Variants in BRD1 observed in about 807,000 individuals in gnomAD.
BRD1 encodes bromodomain containing 1.
Under a neutral mutation model 107.7 loss-of-function variants are expected in BRD1, and 24 were observed. The ratio of observed to expected loss-of-function variants is 0.22; its 90% CI spans 0.16 to 0.31. The LOEUF (loss-of-function observed/expected upper bound fraction) is 0.31. Ranked by LOEUF, BRD1 falls within the 10% of genes least tolerant of loss-of-function variation. The probability of loss-of-function intolerance (pLI) is 1.00; values close to 1 mark genes in which losing one functional copy is unlikely to be tolerated. For synonymous variants in BRD1, 744 were observed against 686.1 expected, an observed-to-expected ratio of 1.08 and a Z score of -1.32; for missense variants, 1,279 against 1,638.6, an observed-to-expected ratio of 0.78 and a Z score of 3.79.
At chr22:49,808,680 TTTATG>T (rs2059791251) in intron 2 of BRD1, among the ~76,000 whole-genome samples, 1 of 152,194 alleles carries the variant, frequency 6.6e-6, no homozygotes, top group East Asian at 1.9e-4. Context: ...GATGGTACAT[TTTATG>T]TTATGTGTAC....
Position 49,823,091 on chromosome 22 carries a change from G to A in BRD1, c.1227C>T (p.Gly409=), listed in dbSNP as rs6009883. 19,697 of 1,614,136 alleles carry A rather than the reference G, an allele frequency of 0.012. 1,143 individuals are homozygous for A. In the African/African-American group the frequency reaches 0.17, roughly 14 times the overall value. The change falls in exon 2 of 13, where the codon GGC becomes GGT. Residue 409 remains glycine (G), a synonymous_variant. Transcript: ENST00000404760. The stretch of plus-strand genomic sequence containing the variant: ...TAACCGAGCTCTCTTTTCGACAGAC[G>A]CCATTTTTCATTTCGACATCCCCGT... ...NIYGDVEMKN[G]VCRKESSVKT... is the part of the protein sequence containing the mutation.
Position 49,794,053 on chromosome 22 carries a change from C to T in BRD1, c.2340G>A (p.Gly780=). The T allele has an allele frequency of 1.2e-6, 2 of 1,613,342 alleles. No homozygotes were observed. The highest frequency in any genetic ancestry group is 1.7e-6 in the Non-Finnish European group (2 of 1,179,670). The part of the protein sequence containing the change: ...EGFEEDGAAL[G]PEAGEEGDKS... ...GCTTACCTTCCTCGCCCGCCTCCGG[C>T]CCCAGCGCAGCTCCGTCCTCTTCGA... The change falls in exon 7 of 13, where the codon GGG becomes GGA. Residue 780 remains glycine (G), a synonymous_variant. Transcript: ENST00000404760.
Position 49,823,808 on chromosome 22 carries a change from A to G in BRD1, c.510T>C (p.Asn170=), listed in dbSNP as rs2147429168. ...EEDYAWLEIV[N]EKRKGDCVPA... The stretch of plus-strand genomic sequence containing the variant: ...GGACGCAGTCGCCCTTGCGCTTCTC[A>G]TTGACGATCTCCAGCCAGGCATAGT... The change falls in exon 2 of 13, where the codon AAT becomes AAC. Residue 170 remains asparagine (N), a synonymous_variant. Coordinates refer to ENST00000404760, the MANE Select transcript of BRD1 (RefSeq NM_001304808.3). 1.2e-6 allele frequency: 2 copies of G among 1,614,016 alleles called. No individual in the cohort carries two copies. The highest frequency in any genetic ancestry group is 1.7e-6 in the Non-Finnish European group (2 of 1,180,008).
chr22:49,778,206 G>A (rs7292710), intron 8 of BRD1, among the ~76,000 whole-genome samples: 10,343 of 152,258 alleles, frequency 0.068, 1,225 homozygotes, highest in African/African-American at 0.24. Flanking sequence ...CACCGGCCGC[G>A]TTTGAACGGA....
At chr22:49,778,723 A>G (rs1184642207) in intron 8 of BRD1, among the ~76,000 whole-genome samples, 1 of 151,950 alleles carries the variant, frequency 6.6e-6, no homozygotes, top group Admixed American at 6.6e-5. Flanking sequence ...GTGCAGTGGC[A>G]CGATCTTGGC....
rs2059446919 is a variant in BRD1, at chr22:49,792,122, T to A, written c.2359+1912A>T. Among the ~76,000 whole-genome samples, 1 of 151,690 alleles carries A rather than the reference T, an allele frequency of 6.6e-6. No homozygotes were observed. Among genetic ancestry groups the A allele is most frequent in the Non-Finnish European group, 1.5e-5 (1 of 67,960 alleles). ...CGAGGTCCTCAGTCCTGTGACCCAA[T>A]AACCGTGCGGGGTCCTCAGCCCTGT... is the stretch of plus-strand genomic sequence containing the variant. On this transcript the variant is annotated intron_variant, in intron 7 of 12. Coordinates refer to ENST00000404760, the MANE Select transcript of BRD1 (RefSeq NM_001304808.3). The surrounding 1 kb of genome is among the most constrained non-coding windows in gnomAD (Gnocchi z 4.2).
At chr22:49,804,806 G>A (rs950913941) in intron 2 of BRD1, among the ~76,000 whole-genome samples, 7 of 152,096 alleles carry the variant, frequency 4.6e-5, no homozygotes, top group African/African-American at 1.4e-4. Flanking sequence ...AGCCGAAATC[G>A]CACCACTGCA....
intron 2 of BRD1, among the ~76,000 whole-genome samples, chr22:49,821,794 C>T (rs1039875359): frequency 3.9e-5 from 6 of 152,162 alleles, no homozygotes; most frequent in Admixed American, 2.0e-4. Flanking sequence ...GCTCACTGAC[C>T]CCCGGCAGTC....
At chr22:49,777,247 C>G in intron 9 of BRD1, 86 bp from the exon 10 acceptor site, 6 of 1,571,324 alleles carry the variant, frequency 3.8e-6, no homozygotes, top group Admixed American at 1.7e-5. Flanking sequence ...TGTCCGCCAC[C>G]AAGCTGGCCA....
intron 2 of BRD1, among the ~76,000 whole-genome samples, chr22:49,820,527 G>C (rs6009324): frequency 0.053 from 8,049 of 152,264 alleles, 585 homozygotes; most frequent in African/African-American, 0.16. Context: ...GATCGCTTGA[G>C]TCCAAGAGTT....
chr22:49,787,051 C>T (rs1350556483), intron 8 of BRD1, among the ~76,000 whole-genome samples: 7 of 152,018 alleles, frequency 4.6e-5, no homozygotes, highest in Admixed American at 3.9e-4. Context: ...CCACTCACTC[C>T]AGCCTGGGTG....
At position 49,824,658 on chromosome 22, in the gene BRD1, G is replaced by A; in HGVS notation, c.-14-327C>T. ...CACAGCAACGCTCCCCAAGGAGGAG[G>A]GGTCCGGCCCAGAGCCCACAGTTGC... On this transcript the variant is annotated intron_variant, in intron 1 of 12. Coordinates refer to ENST00000404760, the MANE Select transcript of BRD1 (RefSeq NM_001304808.3). This position sits in a 1 kb window ranked among gnomAD's most constrained non-coding sequence, Gnocchi z 5.9. The A allele has an allele frequency of 8.8e-7, 1 of 1,138,194 alleles. No individual in the cohort carries two copies. Among genetic ancestry groups the A allele is most frequent in the Non-Finnish European group, 1.1e-6 (1 of 922,228 alleles). The allele number at this position is 1,138,194 out of a possible 1,614,324, so 70.5% of individuals were successfully genotyped here. A position where few individuals can be genotyped will look rare whatever the true frequency, so the allele number is the denominator to read the frequency against.
At position 49,787,885 on chromosome 22, in the gene BRD1, C is replaced by G; in HGVS notation, c.2362G>C (p.Asp788His). 4.6e-6 allele frequency: 7 copies of G among 1,505,836 alleles called. No individual in the cohort carries two copies. Among genetic ancestry groups the G allele is most frequent in the Non-Finnish European group, 6.2e-6 (7 of 1,126,088 alleles). 93.3% of individuals were successfully genotyped at this position (1,505,836 alleles called of 1,614,324 possible). Reference sequence around the variant, plus strand: ...GGTTCAAGTTTAGGGGGAGATTTATCTCCTGAAAAAATTATAAATAAAGTG... The same window carrying G: ...GGTTCAAGTTTAGGGGGAGATTTATGTCCTGAAAAAATTATAAATAAAGTG... ...ALGPEAGEEG[D>H]KSPPKLEPSD... Residue 788 changes from aspartate to histidine, a missense_variant and splice_region_variant, in exon 8 of 13, where the codon GAT becomes CAT. Physicochemically the swap from Asp to His is moderately conservative, Grantham distance 81. Around this residue, in one of 7 missense-constraint regions of BRD1, gnomAD observed 406 missense variants for 519.4 expected, o/e 0.78. Coordinates refer to ENST00000404760, the MANE Select transcript of BRD1 (RefSeq NM_001304808.3).
In BRD1 at chr22:49,823,336, A is replaced by C. The variant is rs1189073979; in HGVS notation, c.982T>G (p.Tyr328Asp). The C allele has an allele frequency of 1.2e-6, 2 of 1,614,168 alleles. No homozygotes were observed. The highest frequency in any genetic ancestry group is 1.7e-6 in the Non-Finnish European group (2 of 1,180,030). The change falls in exon 2 of 13, where the codon TAC (tyrosine) becomes GAC (aspartate). Residue 328 changes from tyrosine to aspartate, a missense_variant. Physicochemically the swap from Tyr to Asp is radical, Grantham distance 160. Around this residue, in one of 7 missense-constraint regions of BRD1, gnomAD observed 158 missense variants for 310.2 expected, o/e 0.51. Transcript: ENST00000404760. ...IPPARWKLTC[Y>D]LCKQKGVGAC... ...CCCACGCCCTTCTGCTTACAGAGGT[A>C]GCATGTCAGTTTCCACCGGGCTGGA...
At chr22:49,780,228 G>A (rs951586954) in intron 8 of BRD1, among the ~76,000 whole-genome samples, 8 of 152,226 alleles carry the variant, frequency 5.3e-5, no homozygotes, top group African/African-American at 1.9e-4. Flanking sequence ...CGACGGCCCC[G>A]GCTCCGTGTG....
In BRD1 at chr22:49,788,511, G is replaced by C. The variant is rs116618073; in HGVS notation, c.2360-624C>G. On this transcript the variant is annotated intron_variant, in intron 7 of 12. Transcript: ENST00000404760. ...GGGAGCTTTCAGGAAAAAAAAATCTGACTTTTAAAAATAAGAAGTCTTTGG... is the reference window on the plus strand; with the variant it reads ...GGGAGCTTTCAGGAAAAAAAAATCTCACTTTTAAAAATAAGAAGTCTTTGG... Among the ~76,000 whole-genome samples, 1,247 of 152,276 alleles carry C rather than the reference G, an allele frequency of 8.2e-3. 15 individuals are homozygous for C. Among genetic ancestry groups the C allele is most frequent in the African/African-American group, 0.029 (1,199 of 41,548 alleles).
rs1859385868 is a variant in BRD1 at position 49,824,540 on chromosome 22, C to G, written c.-14-209G>C. ...CCAGGGAGGGAGCAGCAGTAACAGGCAGAGAGGCAGCCTGAGGAGCCCTCC... is the reference window on the plus strand; with the variant it reads ...CCAGGGAGGGAGCAGCAGTAACAGGGAGAGAGGCAGCCTGAGGAGCCCTCC... On this transcript the variant is annotated intron_variant, in intron 1 of 12. Coordinates refer to ENST00000404760, the MANE Select transcript of BRD1 (RefSeq NM_001304808.3). The surrounding 1 kb of genome is among the most constrained non-coding windows in gnomAD (Gnocchi z 5.9). 1.4e-6 allele frequency: 2 copies of G among 1,390,402 alleles called. No individual in the cohort carries two copies. The highest frequency in any genetic ancestry group is 1.5e-5 in the South Asian group (1 of 64,578). 86.1% of individuals were successfully genotyped at this position (1,390,402 alleles called of 1,614,324 possible). A position where few individuals can be genotyped will look rare whatever the true frequency, so the allele number is the denominator to read the frequency against.
intron 2 of BRD1, among the ~76,000 whole-genome samples, chr22:49,814,318 C>T (rs1386284773): frequency 1.3e-5 from 2 of 152,256 alleles, no homozygotes; most frequent in Non-Finnish European, 2.9e-5. Context: ...ATGACACACA[C>T]GCAGACCCCA....
Position 49,798,616 on chromosome 22 carries a change from T to G in BRD1, c.1727A>C (p.Asp576Ala). The change falls in exon 5 of 13, where the codon GAC becomes GCC. Residue 576 changes from aspartate (D) to alanine (A), a missense_variant. Asp to Ala is a moderately radical substitution (Grantham distance 126). This residue lies in a region of BRD1 where 406 missense variants were observed against 519.4 expected (regional missense o/e 0.78). Transcript: ENST00000404760. ...GGCGGGGTCCTTGTCTTGCAGCTGGTCCAGCACTGAGCGCAGCAGCACCGT... is the reference window on the plus strand; with the variant it reads ...GGCGGGGTCCTTGTCTTGCAGCTGGGCCAGCACTGAGCGCAGCAGCACCGT... ...PLTVLLRSVL[D>A]QLQDKDPARI... 1 of 1,614,098 alleles carries G rather than the reference T, an allele frequency of 6.2e-7. No individual in the cohort carries two copies. Among genetic ancestry groups the G allele is most frequent in the Admixed American group, 1.7e-5 (1 of 60,024 alleles).
Sources: gnomAD v4.1 joint callset for allele counts (sites outside exome capture counted in the v4.1 genomes callset) on GRCh38, gnomAD v4.1.1 for gene constraint, gnomAD v4.1.1 regional missense constraint, Gnocchi (gnomAD v3.1) non-coding constraint, MANE v1.5 for transcripts, NCBI Gene and HGNC (gene_info 2026-07-23, HGNC 2026-07-21) for gene names.